UNC79: variants seen among roughly 807,000 people sequenced by gnomAD.
UNC79 encodes the protein unc-79 subunit of NALCN channel complex, also known as protein unc-79 homolog.
In UNC79, 37 loss-of-function variants were observed where a neutral mutation model predicts 283.1. The ratio of observed to expected loss-of-function variants is 0.13; its 90% CI spans 0.10 to 0.17. The LOEUF is 0.17. Among genes scored for constraint, UNC79 ranks in the 10% least tolerant of loss-of-function variants. UNC79 has a pLI of 1.00. For missense variants in UNC79, 2,272 were observed against 3,211.1 expected (o/e 0.71, Z 7.07); for synonymous variants, 1,107 against 1,200.2 (o/e 0.92, Z 1.61).
chr14:93,535,903 C>G (rs140321531), intron 11 of UNC79, among the ~76,000 whole-genome samples: 72 of 152,268 alleles, frequency 4.7e-4, no homozygotes, highest in African/African-American at 1.6e-3. Flanking sequence ...GGAAACTATC[C>G]TTGACTTCTT....
upstream of UNC79, among the ~76,000 whole-genome samples, chr14:93,426,781 T>C (rs1363185073): frequency 1.3e-5 from 2 of 152,238 alleles, no homozygotes; most frequent in East Asian, 3.9e-4. Flanking sequence ...TTTTTTTCAC[T>C]GCACTGAGCA....
At chr14:93,365,924 A>G (rs1447237151) in intron 1 of UNC79, among the ~76,000 whole-genome samples, 1 of 152,196 alleles carries the variant, frequency 6.6e-6, no homozygotes, top group African/African-American at 2.4e-5. Context: ...AAATTATAAA[A>G]AGCCTACACC....
intron 19 of UNC79, 90 bp from the exon 20 acceptor site, chr14:93,582,113 G>C (rs1403594779): frequency 1.3e-6 from 2 of 1,597,946 alleles, no homozygotes; most frequent in Non-Finnish European, 1.7e-6. Flanking sequence ...AGACACAGCA[G>C]GTGTGCAGTC....
chr14:93,660,336 G>A (rs2140427663), intron 39 of UNC79, among the ~76,000 whole-genome samples: 1 of 151,858 alleles, frequency 6.6e-6, no homozygotes, highest in Non-Finnish European at 1.5e-5. Context: ...TAGAAGATTT[G>A]TGACTTGAAC....
intron 41 of UNC79, among the ~76,000 whole-genome samples, chr14:93,674,590 A>G (rs1263980092): frequency 2.6e-5 from 4 of 152,204 alleles, no homozygotes; most frequent in South Asian, 2.1e-4. Flanking sequence ...GCTGATGAGC[A>G]TTAAGACCAG....
intron 47 of UNC79, among the ~76,000 whole-genome samples, chr14:93,702,078 A>T (rs2075569149): frequency 6.6e-6 from 1 of 152,214 alleles, no homozygotes; most frequent in African/African-American, 2.4e-5. Context: ...AAAGGTCAAC[A>T]AAGTCTGTAG....
chr14:93,397,125 TTTTA>T (rs2055015268), intron 1 of UNC79: 1 of 151,872 alleles, frequency 6.6e-6, no homozygotes, highest in Non-Finnish European at 1.5e-5. Context: ...TTTGTTTATT[TTTTA>T]TTTTATTTTT....
chr14:93,608,316 A>G (rs765632354), intron 26 of UNC79, among the ~76,000 whole-genome samples: 4 of 152,258 alleles, frequency 2.6e-5, no homozygotes, highest in Non-Finnish European at 5.9e-5. Context: ...GACAGTACGT[A>G]GGATGAGTCA....
chr14:93,543,003 C>A (rs902317308), intron 14 of UNC79, among the ~76,000 whole-genome samples: 1 of 149,284 alleles, frequency 6.7e-6, no homozygotes, highest in Non-Finnish European at 1.5e-5. Context: ...CCCAGGCTGG[C>A]CGCCTTGAAC....
At chr14:93,706,646 A>G in intron 48 of UNC79, 58 bp from the exon 52 acceptor site, 1 of 1,596,008 alleles carries the variant, frequency 6.3e-7, no homozygotes, top group Non-Finnish European at 8.6e-7. Flanking sequence ...CCGGGTCGAC[A>G]CTCCCTGGGT....
At chr14:93,385,891 C>T (rs1326579212) in intron 1 of UNC79, among the ~76,000 whole-genome samples, 1 of 151,886 alleles carries the variant, frequency 6.6e-6, no homozygotes, top group Non-Finnish European at 1.5e-5. Context: ...TTAGGTTTTT[C>T]CAAATATAAG....
At chr14:93,653,602 T>G (rs987992600) in intron 35 of UNC79, 140 bp from the exon 39 acceptor site, 9 of 773,858 alleles carry the variant, frequency 1.2e-5, no homozygotes, top group Non-Finnish European at 1.9e-5. Flanking sequence ...TTGAGTAGAA[T>G]ATTTCATTTC....
chr14:93,532,490 A>G (rs113264360), intron 10 of UNC79, 60 bp from the exon 11 acceptor site: 35,802 of 1,562,396 alleles, frequency 0.023, 530 homozygotes, highest in Non-Finnish European at 0.027. Flanking sequence ...TTAATTAATT[A>G]AATAAAAATT....
At chr14:93,466,616 A>G (rs1456881997) in intron 1 of UNC79, among the ~76,000 whole-genome samples, 2 of 152,222 alleles carry the variant, frequency 1.3e-5, no homozygotes, top group Admixed American at 1.3e-4. Context: ...GAATGCATCC[A>G]GGAGCTTATT....
intron 1 of UNC79, among the ~76,000 whole-genome samples, chr14:93,363,026 G>A (rs1470345042): frequency 6.6e-6 from 1 of 151,892 alleles, no homozygotes; most frequent in Non-Finnish European, 1.5e-5. Flanking sequence ...GTTTCCTTTT[G>A]TTTTTCTAGT....
chr14:93,574,007 AAAAC>A (rs918361001), intron 16 of UNC79, among the ~76,000 whole-genome samples: 7 of 152,348 alleles, frequency 4.6e-5, no homozygotes, highest in East Asian at 3.9e-4. Flanking sequence ...CCTGTCTCAA[AAAAC>A]AAACAAACAA....
chr14:93,368,194 T>C (rs887990034), intron 1 of UNC79, among the ~76,000 whole-genome samples: 19 of 152,230 alleles, frequency 1.2e-4, no homozygotes, highest in Non-Finnish European at 2.6e-4. Flanking sequence ...TTTTGATTAG[T>C]TTCATTTATA....
At position 93,621,737 on chromosome 14, in the gene UNC79, C is replaced by A; in HGVS notation, c.4504C>A (p.Leu1502Ile). Residue 1502 changes from leucine (L) to isoleucine (I), a missense_variant, in exon 30 of 49, where the codon CTT becomes ATT. Physicochemically the swap from Leu to Ile is conservative, Grantham distance 5. Around this residue, in one of 11 missense-constraint regions of UNC79, gnomAD observed 580 missense variants for 632.2 expected, o/e 0.92. Coordinates refer to ENST00000555664, the Ensembl canonical transcript of UNC79. This position sits in a 1 kb window ranked among gnomAD's most constrained non-coding sequence, Gnocchi z 4.8. ...GCTACGCTCTTTCAAACAAAAATCT[C>A]TTGATATAGGGAATGCAGACTCGCT... is the stretch of plus-strand genomic sequence containing the variant. 2 of 1,614,056 alleles carry A rather than the reference C, an allele frequency of 1.2e-6. No individual in the cohort carries two copies. The highest frequency in any genetic ancestry group is 1.7e-6 in the Non-Finnish European group (2 of 1,179,998).
exon 32 of UNC79, chr14:93,637,220 G>T (rs777917281): frequency 8.2e-7 from 1 of 1,213,784 alleles, no homozygotes; most frequent in South Asian, 1.2e-5. Flanking sequence ...CCACAGAACA[G>T]ATACAGCCTG....
Sources: gnomAD v4.1 joint callset for allele counts (sites outside exome capture counted in the v4.1 genomes callset) on GRCh38, gnomAD v4.1.1 for gene constraint, gnomAD v4.1.1 regional missense constraint, Gnocchi (gnomAD v3.1) non-coding constraint, MANE v1.5 for transcripts, NCBI Gene and HGNC (gene_info 2026-07-23, HGNC 2026-07-21) for gene names.